CAPN9: variants seen among roughly 807,000 people sequenced by gnomAD.
CAPN9 encodes calpain 9, also known as calpain-9.
CAPN9 carries 81 observed loss-of-function variants against 92.8 expected under a neutral mutation model. The observed-to-expected ratio is 0.87, with a 90% CI of 0.73 to 1.05. CAPN9 has a LOEUF of 1.05. CAPN9 is among the 50% of genes least tolerant of loss of function. The pLI, the probability that CAPN9 is intolerant of heterozygous loss-of-function variation, is 0.00. For synonymous variants in CAPN9, 304 were observed against 328.0 expected (o/e 0.93, Z 0.79); for missense variants, 848 against 866.2 (o/e 0.98, Z 0.26).
In CAPN9 at chr1:230,792,934, GA is replaced by G. The variant is rs1287364750; in HGVS notation, c.1870+10del. 5.6e-6 allele frequency: 9 copies of G among 1,608,774 alleles called. No homozygotes were observed. In the African/African-American group the frequency reaches 1.1e-4, roughly 19 times the overall value. On this transcript the variant is annotated splice_region_variant and intron_variant, in intron 17 of 19. Transcript: ENST00000271971. ...GACTGCACTGAAAGCTGCAGGTAAAGAAAAGACTGGAGTACAGGTGGCTGAC... is the reference window on the plus strand; with the variant it reads ...GACTGCACTGAAAGCTGCAGGTAAAGAAAGACTGGAGTACAGGTGGCTGAC...
chr1:230,766,749 T>G (rs1666008541), intron 4 of CAPN9, among the ~76,000 whole-genome samples: 1 of 152,186 alleles, frequency 6.6e-6, no homozygotes, highest in Non-Finnish European at 1.5e-5. Context: ...GACATTCAAT[T>G]GGACTCACAG....
intron 4 of CAPN9, 147 bp downstream of exon 4, chr1:230,762,933 G>A (rs1665739538): frequency 2.4e-6 from 2 of 825,436 alleles, no homozygotes; most frequent in East Asian, 2.9e-5. Flanking sequence ...CAGGGCTCAA[G>A]CGGGGTTGGA....
intron 11 of CAPN9, 79 bp downstream of exon 11, chr1:230,780,787 A>G: frequency 9.0e-7 from 1 of 1,108,330 alleles, no homozygotes; most frequent in Non-Finnish European, 1.4e-6. Context: ...GAACTGCTGG[A>G]GCCAAGACTC....
At chr1:230,771,985 C>T (rs1666411486) in intron 6 of CAPN9, 29 bp from the exon 7 acceptor site, 2 of 1,590,850 alleles carry the variant, frequency 1.3e-6, no homozygotes, top group African/African-American at 1.3e-5. Context: ...TTTATCATTT[C>T]ACACTTCCCT....
intron 2 of CAPN9, 26 bp downstream of exon 2, chr1:230,755,432 C>T (rs766094362): frequency 2.4e-5 from 38 of 1,568,988 alleles, no homozygotes; most frequent in South Asian, 3.5e-5. Context: ...TGGAGCATGG[C>T]GAGAGGGAGG....
At chr1:230,770,724 C>G (rs2102871747) in intron 6 of CAPN9, among the ~76,000 whole-genome samples, 1 of 152,330 alleles carries the variant, frequency 6.6e-6, no homozygotes, top group East Asian at 1.9e-4. Context: ...CTGCCAGACT[C>G]AAGCTCAGCA....
chr1:230,791,340 T>G (rs1167463591), intron 14 of CAPN9, among the ~76,000 whole-genome samples: 2 of 152,230 alleles, frequency 1.3e-5, no homozygotes, highest in African/African-American at 2.4e-5. Flanking sequence ...TGCTTAACTC[T>G]ATGTTTAATG....
chr1:230,765,267 T>C (rs1203510693), intron 4 of CAPN9, among the ~76,000 whole-genome samples: 1 of 105,968 alleles, frequency 9.4e-6, no homozygotes, highest in Non-Finnish European at 2.0e-5. Flanking sequence ...ACAAATGAGG[T>C]TATGCCAAAA....
At chr1:230,793,500 G>A (rs766057056) in intron 17 of CAPN9, among the ~76,000 whole-genome samples, 1 of 152,106 alleles carries the variant, frequency 6.6e-6, no homozygotes, top group Non-Finnish European at 1.5e-5. Context: ...ACTCTTGTCC[G>A]GTGCTGGATG....
chr1:230,749,484 G>C (rs1189900668), intron 1 of CAPN9, among the ~76,000 whole-genome samples: 3 of 152,220 alleles, frequency 2.0e-5, no homozygotes, highest in Non-Finnish European at 2.9e-5. Flanking sequence ...CAGGCTGCAG[G>C]CTGTGGGTGC....
chr1:230,787,722 T>A, intron 13 of CAPN9, 120 bp downstream of exon 13: 1 of 809,914 alleles, frequency 1.2e-6, no homozygotes, highest in Non-Finnish European at 2.1e-6. Context: ...TGGAGCTTGT[T>A]GCAAAGTAAG....
chr1:230,751,754 C>T (rs12058807), intron 1 of CAPN9, among the ~76,000 whole-genome samples: 56,833 of 149,980 alleles, frequency 0.38, 10,974 homozygotes, highest in African/African-American at 0.41. Flanking sequence ...GGCTGAGCCC[C>T]GATGATGTAC....
chr1:230,768,372 T>C (rs1193179911), intron 5 of CAPN9, among the ~76,000 whole-genome samples: 1 of 152,168 alleles, frequency 6.6e-6, no homozygotes, highest in East Asian at 1.9e-4. Context: ...CACCCGTTTC[T>C]CAGCTGCCTC....
chr1:230,747,803 C>A, intron 1 of CAPN9, 94 bp downstream of exon 1: 1 of 1,112,784 alleles, frequency 9.0e-7, no homozygotes, highest in South Asian at 1.3e-5. Context: ...GAGGGGCCGG[C>A]TACGCTCAGT....
intron 13 of CAPN9, 150 bp from the exon 14 acceptor site, chr1:230,789,982 C>T: frequency 1.7e-6 from 1 of 585,006 alleles, no homozygotes; most frequent in Non-Finnish European, 3.0e-6. Flanking sequence ...GCTGCAGCTA[C>T]ACAGGAGATA....
At chr1:230,757,102 G>A (rs1021892093) in intron 2 of CAPN9, among the ~76,000 whole-genome samples, 5 of 151,902 alleles carry the variant, frequency 3.3e-5, no homozygotes, top group African/African-American at 7.3e-5. Flanking sequence ...TTTGAAACCC[G>A]CATATACAGA....
intron 7 of CAPN9, 60 bp downstream of exon 7, chr1:230,772,159 C>A: frequency 2.1e-6 from 3 of 1,401,884 alleles, no homozygotes; most frequent in Non-Finnish European, 3.0e-6. Flanking sequence ...CCAGAGCTGG[C>A]TTGTGCAGAC....
intron 4 of CAPN9, 28 bp from the exon 5 acceptor site, chr1:230,767,513 T>A (rs1222443016): frequency 1.3e-6 from 2 of 1,583,754 alleles, no homozygotes; most frequent in Admixed American, 1.8e-5. Context: ...TCCCTGACTC[T>A]CTCCTCTCTC....
chr1:230,756,519 G>C (rs1219143467), intron 2 of CAPN9, among the ~76,000 whole-genome samples: 3 of 152,154 alleles, frequency 2.0e-5, no homozygotes, highest in Non-Finnish European at 2.9e-5. Context: ...ATACATGGAT[G>C]GATGGGTATA....
Sources: allele counts gnomAD v4.1 joint callset (sites outside exome capture counted in the v4.1 genomes callset), GRCh38; gene constraint gnomAD v4.1.1; transcripts MANE v1.5; gene names NCBI Gene and HGNC (gene_info 2026-07-23, HGNC 2026-07-21).